CLCN3: variants seen among roughly 807,000 people sequenced by gnomAD.
CLCN3 encodes H(+)/Cl(-) exchange transporter 3.
A neutral mutation model predicts 83.4 loss-of-function variants in CLCN3; 16 were observed. The observed-to-expected ratio is 0.19, with a 90% CI of 0.13 to 0.29. The LOEUF is 0.29. Among genes scored for constraint, CLCN3 ranks in the 10% least tolerant of loss-of-function variants. The pLI, the probability that CLCN3 is intolerant of heterozygous loss-of-function variation, is 1.00. For synonymous variants in CLCN3, 322 were observed against 346.2 expected, an observed-to-expected ratio of 0.93 and a Z score of 0.78; for missense variants, 544 against 1,006.0, an observed-to-expected ratio of 0.54 and a Z score of 6.21.
chr4:169,648,657 A>C lies in CLCN3; in HGVS notation c.160+12569A>C, dbSNP rs568124484. Among the ~76,000 whole-genome samples the C allele has an allele frequency of 2.6e-5, 4 of 152,302 alleles. No individual in the cohort carries two copies. The East Asian group carries it at 7.7e-4, about 29-fold the overall frequency. ...TGTGTCCTTCTCTTATGGAGCTTAT[A>C]CTCTAGTGATAGAGGGTACTATTAA... On this transcript the variant is annotated intron_variant, in intron 2 of 12. Coordinates refer to ENST00000513761, the MANE Select transcript of CLCN3 (RefSeq NM_001829.4).
At chr4:169,689,290 C>T in intron 5 of CLCN3, 60 bp downstream of exon 5, 2 of 1,419,882 alleles carry the variant, frequency 1.4e-6, no homozygotes, top group Non-Finnish European at 1.9e-6. Flanking sequence ...GTTTCCAATT[C>T]ATTTAATTAT....
At chr4:169,661,232 G>A (rs913776541) in intron 2 of CLCN3, among the ~76,000 whole-genome samples, 21 of 151,802 alleles carry the variant, frequency 1.4e-4, no homozygotes, top group Non-Finnish European at 2.9e-4. Context: ...CAGACTGGTC[G>A]ACATTTGTTG....
chr4:169,695,698 T>G lies in CLCN3; in HGVS notation c.1017+6T>G, dbSNP rs1242931069. On this transcript the variant is annotated splice_donor_region_variant and intron_variant, in intron 8 of 12. Coordinates refer to ENST00000513761, the MANE Select transcript of CLCN3 (RefSeq NM_001829.4). Reference sequence around the variant, plus strand: ...TTCTTTTTAGCCTGGAAGAGGTAGGTGAAAAGAATACAACAATTAAAATTA... The same window carrying G: ...TTCTTTTTAGCCTGGAAGAGGTAGGGGAAAAGAATACAACAATTAAAATTA... The G allele has an allele frequency of 6.3e-7, 1 of 1,587,012 alleles. No homozygotes were observed. The highest frequency in any genetic ancestry group is 2.2e-5 in the East Asian group (1 of 44,678).
At position 169,703,980 on chromosome 4, in the gene CLCN3, G is replaced by A; in HGVS notation, c.1564-18G>A. 6.2e-7 allele frequency: 1 copy of A among 1,612,924 alleles called. No individual in the cohort carries two copies. The highest frequency in any genetic ancestry group is 8.5e-7 in the Non-Finnish European group (1 of 1,179,024). ...GTAGAGGATCTCTGCTCCATAAAGA[G>A]TTCTGTTGTTGTTATAGGTTCCATC... On this transcript the variant is annotated intron_variant, in intron 9 of 12. Coordinates refer to ENST00000513761, the MANE Select transcript of CLCN3 (RefSeq NM_001829.4).
chr4:169,709,115 A>G (rs1209652136), intron 11 of CLCN3, among the ~76,000 whole-genome samples: 1 of 148,604 alleles, frequency 6.7e-6, no homozygotes, highest in African/African-American at 2.4e-5. Flanking sequence ...ATATATATAG[A>G]AAACCTAGTG....
intron 2 of CLCN3, among the ~76,000 whole-genome samples, chr4:169,655,604 C>T (rs889555459): frequency 6.6e-6 from 1 of 152,174 alleles, no homozygotes; most frequent in East Asian, 1.9e-4. Flanking sequence ...AAGTGATCCT[C>T]CTACTTCAGC....
intron 4 of CLCN3, 105 bp from the exon 5 acceptor site, chr4:169,688,938 C>A: frequency 1.2e-6 from 1 of 837,450 alleles, no homozygotes; most frequent in Non-Finnish European, 1.9e-6. Context: ...ATAAATGACC[C>A]TTTATTTAGG....
At chr4:169,654,234 C>G (rs528218096) in intron 2 of CLCN3, among the ~76,000 whole-genome samples, 80 of 151,874 alleles carry the variant, frequency 5.3e-4, no homozygotes, top group Middle Eastern at 3.4e-3. Flanking sequence ...TCCCTCCTCT[C>G]CTTCCCTCCT....
chr4:169,647,211 G>A (rs1730599266), intron 2 of CLCN3, among the ~76,000 whole-genome samples: 2 of 152,062 alleles, frequency 1.3e-5, no homozygotes, highest in East Asian at 1.9e-4. Context: ...GCAATATGGC[G>A]AAACCCTGTC....
At chr4:169,660,573 G>T (rs554226205) in intron 2 of CLCN3, 131 of 563,402 alleles carry the variant, frequency 2.3e-4, no homozygotes, top group African/African-American at 2.3e-3. Flanking sequence ...AGTTGCCCTG[G>T]GTTGTTAGTA....
intron 3 of CLCN3, chr4:169,680,489 G>C (rs1731894151): frequency 3.9e-6 from 1 of 258,804 alleles, no homozygotes; most frequent in South Asian, 6.7e-5. Context: ...CACAGGAGTT[G>C]GGGGGAAGAA....
chr4:169,678,198 A>G (rs1401181126), intron 2 of CLCN3, among the ~76,000 whole-genome samples: 1 of 152,184 alleles, frequency 6.6e-6, no homozygotes, highest in Non-Finnish European at 1.5e-5. Flanking sequence ...TTTACAAATC[A>G]TTTTCTAATT....
intron 1 of CLCN3, among the ~76,000 whole-genome samples, chr4:169,627,361 G>A (rs376308274): frequency 2.0e-5 from 3 of 152,196 alleles, no homozygotes; most frequent in South Asian, 4.2e-4. Flanking sequence ...TCTATTAAGT[G>A]CTTACGGACT....
intron 8 of CLCN3, among the ~76,000 whole-genome samples, chr4:169,695,970 C>G (rs1732545063): frequency 1.3e-5 from 2 of 152,174 alleles, no homozygotes; most frequent in African/African-American, 4.8e-5. Flanking sequence ...GTGAATTTGA[C>G]TTAATAGAGG....
rs746128050 is a variant in CLCN3 at position 169,720,083 on chromosome 4, CT to C, written c.*94del. The C allele has an allele frequency of 1.8e-5, 28 of 1,549,756 alleles. No homozygotes were observed. The highest frequency in any genetic ancestry group is 2.3e-5 in the East Asian group (1 of 43,162). ...CTCTTTAACCTGAGGGAGTCATCTA[CT>C]TTTTTTTCCTCCTTTACAAAAAAAG... On this transcript the variant is annotated 3_prime_UTR_variant, in exon 13 of 13. Coordinates refer to ENST00000513761, the MANE Select transcript of CLCN3 (RefSeq NM_001829.4).
chr4:169,705,220 A>G (rs1173807111), intron 10 of CLCN3, among the ~76,000 whole-genome samples: 1 of 152,234 alleles, frequency 6.6e-6, no homozygotes, highest in Non-Finnish European at 1.5e-5. Context: ...GTTGAAGATT[A>G]TAATGTGAAG....
intron 2 of CLCN3, among the ~76,000 whole-genome samples, chr4:169,655,081 T>C (rs1730842640): frequency 1.3e-5 from 2 of 152,196 alleles, no homozygotes; most frequent in Admixed American, 6.5e-5. Flanking sequence ...ACTCTATTTC[T>C]AATTATAGTT....
intron 1 of CLCN3, among the ~76,000 whole-genome samples, chr4:169,621,358 A>G (rs560332854): frequency 2.6e-4 from 39 of 152,290 alleles, no homozygotes; most frequent in Middle Eastern, 6.8e-3. Flanking sequence ...CTTTCGCTAA[A>G]TTTTCCCCAA....
intron 9 of CLCN3, among the ~76,000 whole-genome samples, chr4:169,700,195 G>A (rs1732725346): frequency 6.6e-6 from 1 of 152,092 alleles, no homozygotes; most frequent in Non-Finnish European, 1.5e-5. Context: ...AAGAGTACAT[G>A]CCATCATTTT....
Sources: allele counts gnomAD v4.1 joint callset (sites outside exome capture counted in the v4.1 genomes callset), GRCh38; gene constraint gnomAD v4.1.1; transcripts MANE v1.5; gene names NCBI Gene and HGNC (gene_info 2026-07-23, HGNC 2026-07-21).